The following TANGO6 variants were observed in gnomAD, a reference collection of about 807,000 sequenced individuals.
The protein encoded by TANGO6 is transport and Golgi organization protein 6 homolog.
In TANGO6, 90 loss-of-function variants were observed where a neutral mutation model predicts 114.2. The observed-to-expected ratio is 0.79, with a 90% CI of 0.66 to 0.94. TANGO6 has a LOEUF of 0.94. Ranked by LOEUF, TANGO6 falls within the 40% of genes least tolerant of loss-of-function variation. The pLI is 0.00. For synonymous variants in TANGO6, 477 were observed against 509.8 expected, an observed-to-expected ratio of 0.94 and a Z score of 0.87; for missense variants, 1,274 against 1,315.3, an observed-to-expected ratio of 0.97 and a Z score of 0.49.
intron 1 of TANGO6, among the ~76,000 whole-genome samples, chr16:68,853,120 G>C (rs77043001): frequency 0.091 from 13,821 of 151,980 alleles, 765 homozygotes; most frequent in Non-Finnish European, 0.13. Context: ...TATATACAAT[G>C]AAATGCACAA....
intron 14 of TANGO6, chr16:68,937,221 T>G (rs1337358199): frequency 6.6e-6 from 1 of 152,222 alleles, no homozygotes; most frequent in Non-Finnish European, 1.5e-5. Context: ...GCGAAGTTTA[T>G]CATCTCCATT....
At chr16:68,858,300 G>A (rs1962033008) in intron 1 of TANGO6, among the ~76,000 whole-genome samples, 1 of 152,140 alleles carries the variant, frequency 6.6e-6, no homozygotes, top group South Asian at 2.1e-4. Flanking sequence ...CTGACCTCAA[G>A]TGTTCCTCCC....
chr16:68,860,188 C>A lies in TANGO6; in HGVS notation c.399C>A (p.Ser133Arg). The A allele has an allele frequency of 6.2e-7, 1 of 1,613,986 alleles. No individual in the cohort carries two copies. The highest frequency in any genetic ancestry group is 1.7e-5 in the Admixed American group (1 of 60,014). Reference protein sequence around the residue: ...PRTPEVAPALSPDALSISQQK... With the variant: ...PRTPEVAPALRPDALSISQQK... ...CTCCGGAAGTTGCTCCTGCCCTGAGCCCCGATGCACTTAGTATCTCACAAC... is the reference window on the plus strand; with the variant it reads ...CTCCGGAAGTTGCTCCTGCCCTGAGACCCGATGCACTTAGTATCTCACAAC... Residue 133 changes from serine (S) to arginine (R), a missense_variant, in exon 2 of 18, where the codon AGC (serine) becomes AGA (arginine). Transcript: ENST00000261778.
intron 3 of TANGO6, among the ~76,000 whole-genome samples, chr16:68,866,408 G>C (rs1406982927): frequency 4.0e-5 from 6 of 151,338 alleles, no homozygotes; most frequent in Non-Finnish European, 7.4e-5. Context: ...TGGATCATGA[G>C]GTCAGGAGAT....
chr16:68,950,048 G>A (rs1183615989), intron 14 of TANGO6, among the ~76,000 whole-genome samples: 1 of 152,180 alleles, frequency 6.6e-6, no homozygotes, highest in African/African-American at 2.4e-5. Flanking sequence ...AAAAGGCCAT[G>A]TGTTGTATGA....
chr16:69,006,015 G>T (rs1329296939), intron 15 of TANGO6, among the ~76,000 whole-genome samples: 3 of 152,136 alleles, frequency 2.0e-5, no homozygotes, highest in Admixed American at 2.0e-4. Flanking sequence ...TCATTAAATG[G>T]CCGGCTTTGA....
chr16:68,882,340 T>C (rs1042686258), intron 7 of TANGO6, among the ~76,000 whole-genome samples: 7 of 150,278 alleles, frequency 4.7e-5, no homozygotes, highest in Non-Finnish European at 7.4e-5. Context: ...ACTAAAAATA[T>C]AAAAAAATTA....
At chr16:69,009,342 A>T (rs761393306) in intron 15 of TANGO6, among the ~76,000 whole-genome samples, 4 of 151,942 alleles carry the variant, frequency 2.6e-5, no homozygotes, top group Non-Finnish European at 5.9e-5. Context: ...CGGCCTCCCA[A>T]AGTGCTGGGA....
chr16:68,947,369 G>T lies in TANGO6; in HGVS notation c.2701+17074G>T, dbSNP rs8053919. Among the ~76,000 whole-genome samples the T allele has an allele frequency of 5.3e-5, 8 of 151,872 alleles. No homozygotes were observed. In the East Asian group the frequency reaches 1.6e-3, roughly 30 times the overall value. ...CTCAGGAGGCTGAAGCAAGAGAATC[G>T]CTTGAACCAGGGAGTCGAAGGTTGC... On this transcript the variant is annotated intron_variant, in intron 14 of 17. Transcript: ENST00000261778.
chr16:69,006,479 C>G (rs1011678075), intron 15 of TANGO6, among the ~76,000 whole-genome samples: 14 of 152,068 alleles, frequency 9.2e-5, no homozygotes, highest in Non-Finnish European at 1.5e-4. Flanking sequence ...TGCGGTGGCT[C>G]ATGCCTGTAA....
chr16:69,078,729 G>C (rs1274328360), intron 17 of TANGO6, among the ~76,000 whole-genome samples: 1 of 152,064 alleles, frequency 6.6e-6, no homozygotes, highest in African/African-American at 2.4e-5. Flanking sequence ...ATACGTTTCT[G>C]TATTTTATTT....
intron 14 of TANGO6, among the ~76,000 whole-genome samples, chr16:68,947,233 G>A (rs945888484): frequency 1.2e-4 from 19 of 152,182 alleles, no homozygotes; most frequent in South Asian, 6.2e-4. Context: ...CGAGGCAGGC[G>A]GATCACGAGG....
At chr16:69,045,925 G>A (rs1424148885) in intron 17 of TANGO6, among the ~76,000 whole-genome samples, 1 of 151,148 alleles carries the variant, frequency 6.6e-6, no homozygotes, top group African/African-American at 2.4e-5. Context: ...TTAGCCGGGC[G>A]TGGTGTCACG....
chr16:69,077,572 C>T (rs1448040121), intron 17 of TANGO6, among the ~76,000 whole-genome samples: 1 of 152,104 alleles, frequency 6.6e-6, no homozygotes, highest in Admixed American at 6.6e-5. Flanking sequence ...CGCCTGTAAT[C>T]CCACCCAGCA....
intron 14 of TANGO6, among the ~76,000 whole-genome samples, chr16:68,942,855 T>C (rs1378138175): frequency 6.6e-6 from 1 of 152,110 alleles, no homozygotes; most frequent in Non-Finnish European, 1.5e-5. Flanking sequence ...AAGTCAAGCC[T>C]CTGAAATATG....
intron 14 of TANGO6, among the ~76,000 whole-genome samples, chr16:68,954,787 T>C (rs1030332188): frequency 2.0e-5 from 3 of 152,228 alleles, no homozygotes; most frequent in African/African-American, 7.2e-5. Context: ...AAAAACCATA[T>C]GGCATTATTT....
At chr16:68,859,748 T>G in intron 1 of TANGO6, 136 bp from the exon 2 acceptor site, 1 of 990,450 alleles carries the variant, frequency 1.0e-6, no homozygotes. Flanking sequence ...TTGGTACCCC[T>G]GGGGGAGGCT....
intron 14 of TANGO6, among the ~76,000 whole-genome samples, chr16:68,934,386 T>C (rs1280984123): frequency 6.6e-6 from 1 of 152,108 alleles, no homozygotes. Context: ...ATATCTCCTA[T>C]ATACAAAACA....
At position 68,852,480 on chromosome 16, in the gene TANGO6, C is replaced by T. The variant is rs1285523291; in HGVS notation, c.95-7404C>T. ...CAAAAAAAAAATTTAGTTTATTTGA[C>T]CTGGCTGATGTCCATATATATTTTC... On this transcript the variant is annotated intron_variant, in intron 1 of 17. Transcript: ENST00000261778. Among the ~76,000 whole-genome samples, 7 of 152,162 alleles carry T rather than the reference C, an allele frequency of 4.6e-5. No homozygotes were observed. In the East Asian group the frequency reaches 1.4e-3, roughly 29 times the overall value.
Sources: allele counts gnomAD v4.1 joint callset (sites outside exome capture counted in the v4.1 genomes callset), GRCh38; gene constraint gnomAD v4.1.1; transcripts MANE v1.5; gene names NCBI Gene and HGNC (gene_info 2026-07-23, HGNC 2026-07-21).